EPHX1: variants seen among roughly 807,000 people sequenced by gnomAD.
EPHX1 encodes epoxide hydrolase 1.
A neutral mutation model predicts 43.2 loss-of-function variants in EPHX1; 40 were observed. That is an observed-to-expected ratio of 0.93 (90% confidence interval 0.72 to 1.21). The LOEUF is 1.21. EPHX1 is among the 50% of genes most tolerant of loss of function. The pLI is 0.00. For missense variants in EPHX1, 550 were observed against 570.4 expected (o/e 0.96, Z 0.36); for synonymous variants, 221 against 226.7 (o/e 0.98, Z 0.22).
chr1:225,821,689 T>G (rs1286004387), intron 1 of EPHX1, among the ~76,000 whole-genome samples: 1 of 147,396 alleles, frequency 6.8e-6, no homozygotes, highest in Non-Finnish European at 1.5e-5. Flanking sequence ...GCCTCCCGAG[T>G]AGCTGGGACC....
In EPHX1 at chr1:225,838,679, G is replaced by A. The variant is rs769262345; in HGVS notation, c.390G>A (p.Val130=). The change falls in exon 4 of 9, where the codon GTG becomes GTA. Residue 130 remains valine (V), a synonymous_variant. Transcript: ENST00000272167. ...IEGLDIHFIH[V]KPPQLPAGHT... is the part of the protein sequence containing the mutation. The stretch of plus-strand genomic sequence containing the variant: ...GGCTGGACATCCACTTCATCCACGT[G>A]AAGCCCCCCCAGCTGCCCGCAGGCC... 37 of 1,613,930 alleles carry A rather than the reference G, an allele frequency of 2.3e-5. No homozygotes were observed. The highest frequency in any genetic ancestry group is 2.8e-5 in the Non-Finnish European group (33 of 1,180,014).
At chr1:225,831,502 A>G (rs1667586232) in intron 2 of EPHX1, among the ~76,000 whole-genome samples, 1 of 151,776 alleles carries the variant, frequency 6.6e-6, no homozygotes, top group African/African-American at 2.4e-5. Flanking sequence ...GGCCGAGATC[A>G]CGCCACTGCC....
rs377199624 is a variant in EPHX1 at position 225,839,365 on chromosome 1, T to TGG, written c.722+20_722+21dup. 29 of 1,525,490 alleles carry TGG rather than the reference T, an allele frequency of 1.9e-5. No individual in the cohort carries two copies. In the African/African-American group the frequency reaches 3.5e-4, roughly 18 times the overall value. The allele number at this position is 1,525,490 out of a possible 1,614,324, so 94.5% of individuals were successfully genotyped here. On this transcript the variant is annotated intron_variant, in intron 5 of 8. Coordinates refer to ENST00000272167, the MANE Select transcript of EPHX1 (RefSeq NM_001136018.4). ...TGCCCAGGTGAGGTCACTGTTGGGGTGGTGTGTGTGTGTGTGTGTGTGTGT... is the reference window on the plus strand; with the variant it reads ...TGCCCAGGTGAGGTCACTGTTGGGGTGGGGTGTGTGTGTGTGTGTGTGTGTGT...
At chr1:225,826,183 G>A (rs1159471469) in intron 1 of EPHX1, among the ~76,000 whole-genome samples, 1 of 152,110 alleles carries the variant, frequency 6.6e-6, no homozygotes, top group African/African-American at 2.4e-5. Flanking sequence ...AAGCCACAGG[G>A]CCAGGCACAG....
intron 2 of EPHX1, among the ~76,000 whole-genome samples, chr1:225,829,811 A>G (rs949560504): frequency 3.3e-5 from 5 of 152,206 alleles, no homozygotes; most frequent in Non-Finnish European, 5.9e-5. Flanking sequence ...GCGGTGGCTC[A>G]CGCTTTTAAT....
chr1:225,833,795 T>TAA (rs765544660), intron 3 of EPHX1, among the ~76,000 whole-genome samples: 11,613 of 108,534 alleles, frequency 0.11, 723 homozygotes, highest in Middle Eastern at 0.22. Flanking sequence ...ACTCTGTCTT[T>TAA]AAAAAAAAAA....
intron 1 of EPHX1, among the ~76,000 whole-genome samples, chr1:225,820,907 G>A (rs1378000535): frequency 6.6e-6 from 1 of 152,054 alleles, no homozygotes; most frequent in Non-Finnish European, 1.5e-5. Context: ...ACAGGGTTGT[G>A]TGTTAGTCCT....
intron 1 of EPHX1, among the ~76,000 whole-genome samples, chr1:225,821,146 G>T (rs1046956314): frequency 6.6e-6 from 1 of 152,084 alleles, no homozygotes; most frequent in Non-Finnish European, 1.5e-5. Context: ...TTTAAAACTT[G>T]ACTTAGTGAC....
In EPHX1 at chr1:225,838,878, A is replaced by G; in HGVS notation, c.589A>G (p.Lys197Glu). ...GYGFSEASSK[K>E]GFNSVATARI... The stretch of plus-strand genomic sequence containing the variant: ...TGGCTTCTCAGAGGCATCCTCCAAG[A>G]AGGGTACGGGGCTGCTAGAGGTTCC... Residue 197 changes from lysine to glutamate, a missense_variant, in exon 4 of 9, where the codon AAG becomes GAG. Physicochemically the swap from Lys to Glu is moderately conservative, Grantham distance 56. Transcript: ENST00000272167. 4 of 1,613,980 alleles carry G rather than the reference A, an allele frequency of 2.5e-6. No individual in the cohort carries two copies. Among genetic ancestry groups the G allele is most frequent in the Non-Finnish European group, 3.4e-6 (4 of 1,179,888 alleles).
chr1:225,844,697 A>G, intron 8 of EPHX1, 74 bp downstream of exon 8: 1 of 1,596,352 alleles, frequency 6.3e-7, no homozygotes, highest in Non-Finnish European at 8.5e-7. Context: ...GGGCTCCACG[A>G]AGGGCACTTG....
chr1:225,829,432 A>C (rs1385092632), intron 2 of EPHX1, among the ~76,000 whole-genome samples: 1 of 152,210 alleles, frequency 6.6e-6, no homozygotes, highest in Non-Finnish European at 1.5e-5. Flanking sequence ...GGCATAAAGC[A>C]ACTCGTTCAA....
Position 225,839,261 on chromosome 1 carries a change from C to T in EPHX1, c.637C>T (p.Leu213=), listed in dbSNP as rs112886664. The change falls in exon 5 of 9, where the codon CTG becomes TTG. Residue 213 remains leucine, a synonymous_variant. Coordinates refer to ENST00000272167, the MANE Select transcript of EPHX1 (RefSeq NM_001136018.4). The stretch of plus-strand genomic sequence containing the variant: ...CGCCAGGATCTTTTACAAGCTGATG[C>T]TGCGGCTGGGCTTCCAGGAATTCTA... ...ATARIFYKLM[L]RLGFQEFYIQ... 2.5e-5 allele frequency: 40 copies of T among 1,614,112 alleles called. No individual in the cohort carries two copies. In the African/African-American group the frequency reaches 3.5e-4, roughly 14 times the overall value.
At chr1:225,825,440 G>A (rs1667186033) in intron 1 of EPHX1, 2 of 152,208 alleles carry the variant, frequency 1.3e-5, no homozygotes, top group African/African-American at 4.8e-5. Flanking sequence ...GGAGCCTGGT[G>A]GACAGGTGAA....
rs869228485 is a variant in EPHX1, at chr1:225,821,565, CTTTTTTT to C, written c.-5-7142_-5-7136del. 1.4e-4 allele frequency among the ~76,000 whole-genome samples: 10 copies of C among 69,842 alleles called. No homozygotes were observed. The East Asian group carries it at 4.6e-3, about 32-fold the overall frequency. The allele number at this position is 69,842 out of a possible 152,430, so 45.8% of individuals were successfully genotyped here. A position where few individuals can be genotyped will look rare whatever the true frequency, so the allele number is the denominator to read the frequency against. ...CCAGCCTGTTTTTCATTTTTTGGTTCTTTTTTTTTTTTTTTTTTTTTTTTGAGACAGG... is the reference window on the plus strand; with the variant it reads ...CCAGCCTGTTTTTCATTTTTTGGTTCTTTTTTTTTTTTTTTTTGAGACAGG... On this transcript the variant is annotated intron_variant, in intron 1 of 8. Coordinates refer to ENST00000272167, the MANE Select transcript of EPHX1 (RefSeq NM_001136018.4).
chr1:225,835,576 AGAC>A (rs1667914296), intron 3 of EPHX1, among the ~76,000 whole-genome samples: 4 of 151,506 alleles, frequency 2.6e-5, no homozygotes, highest in Non-Finnish European at 5.9e-5. Flanking sequence ...TTTTTAGTAG[AGAC>A]GGGGTTTCAC....
intron 1 of EPHX1, among the ~76,000 whole-genome samples, chr1:225,816,308 AAAC>A (rs1204260599): frequency 1.3e-5 from 2 of 152,004 alleles, no homozygotes; most frequent in Non-Finnish European, 2.9e-5. Flanking sequence ...TTAAAAGAAA[AAAC>A]AAGTTATTCT....
intron 7 of EPHX1, among the ~76,000 whole-genome samples, chr1:225,844,268 T>G (rs1668707615): frequency 2.1e-5 from 3 of 146,146 alleles, no homozygotes; most frequent in Admixed American, 6.8e-5. Context: ...GCAAGGTGGG[T>G]GGGGGGAGGA....
intron 1 of EPHX1, among the ~76,000 whole-genome samples, chr1:225,821,115 A>G (rs552499371): frequency 1.3e-5 from 2 of 152,350 alleles, no homozygotes; most frequent in African/African-American, 4.8e-5. Context: ...TTAAGTATCA[A>G]TCTTAAAATG....
intron 6 of EPHX1, among the ~76,000 whole-genome samples, chr1:225,840,427 C>T (rs925041741): frequency 6.6e-6 from 1 of 152,076 alleles, no homozygotes; most frequent in Non-Finnish European, 1.5e-5. Flanking sequence ...GAAGAGGTTC[C>T]CAGGCAGTGA....
Sources: allele counts gnomAD v4.1 joint callset (sites outside exome capture counted in the v4.1 genomes callset), GRCh38; gene constraint gnomAD v4.1.1; transcripts MANE v1.5; gene names NCBI Gene and HGNC (gene_info 2026-07-23, HGNC 2026-07-21).